KIF5B: variants seen among roughly 807,000 people sequenced by gnomAD.
KIF5B encodes kinesin-1 heavy chain.
KIF5B carries 49 observed loss-of-function variants against 132.8 expected under a neutral mutation model. The ratio of observed to expected loss-of-function variants is 0.37; its 90% CI spans 0.29 to 0.47. KIF5B has a LOEUF of 0.47. KIF5B is among the 20% of genes least tolerant of loss of function. The pLI is 1.00. For synonymous variants in KIF5B, 355 were observed against 369.4 expected (o/e 0.96, Z 0.45); for missense variants, 780 against 1,144.0 (o/e 0.68, Z 4.59).
intron 24 of KIF5B, among the ~76,000 whole-genome samples, chr10:32,016,191 T>A (rs1841158735): frequency 6.6e-6 from 1 of 151,874 alleles, no homozygotes; most frequent in Non-Finnish European, 1.5e-5. Context: ...GGGCAGTGGC[T>A]CATGCCTGTA....
chr10:32,036,931 G>A (rs1395960554), intron 8 of KIF5B, among the ~76,000 whole-genome samples: 1 of 152,054 alleles, frequency 6.6e-6, no homozygotes, highest in Non-Finnish European at 1.5e-5. Context: ...CTGCCAATAT[G>A]GATAAAATAC....
chr10:32,026,295 AGGCGT>A (rs1841332266), intron 15 of KIF5B, among the ~76,000 whole-genome samples: 1 of 151,630 alleles, frequency 6.6e-6, no homozygotes, highest in Admixed American at 6.6e-5. Context: ...AAAATTATCC[AGGCGT>A]GGTGGCACAC....
rs1439407431 is a variant in KIF5B at position 32,056,366 on chromosome 10, C to G, written c.-393G>C. The G allele has an allele frequency of 4.4e-6, 1 of 225,634 alleles. No individual in the cohort carries two copies. Among genetic ancestry groups the G allele is most frequent in the Non-Finnish European group, 8.9e-6 (1 of 112,878 alleles). The allele number at this position is 225,634 out of a possible 1,614,324, so 14.0% of individuals were successfully genotyped here. Reference sequence around the variant, plus strand: ...GGCCGGGCCTACCCGTCCGCCCGCTCTGCCGTCCGCTGGCCGGCCGACTGC... The same window carrying G: ...GGCCGGGCCTACCCGTCCGCCCGCTGTGCCGTCCGCTGGCCGGCCGACTGC... On this transcript the variant is annotated 5_prime_UTR_variant, in exon 1 of 26. Coordinates refer to ENST00000302418, the MANE Select transcript of KIF5B (RefSeq NM_004521.3).
intron 17 of KIF5B, among the ~76,000 whole-genome samples, chr10:32,021,758 G>A (rs1179474982): frequency 6.6e-6 from 1 of 152,082 alleles, no homozygotes; most frequent in Non-Finnish European, 1.5e-5. Flanking sequence ...AGATCACGAG[G>A]TCAGGAGATC....
At chr10:32,053,852 C>G (rs1841722418) in intron 1 of KIF5B, among the ~76,000 whole-genome samples, 1 of 152,084 alleles carries the variant, frequency 6.6e-6, no homozygotes, top group Non-Finnish European at 1.5e-5. Context: ...ATCCATTATT[C>G]CTAATATTAC....
rs1311840826 is a variant in KIF5B, at chr10:32,018,129, C to T, written c.2467G>A (p.Gly823Arg). ...KSAEIDSDDT[G>R]GSAAQKQKIS... ...TTTTGCTTCTGAGCAGCGCTGCCTCCGGTGTCATCAGAATCAATCTCAGCA... is the reference window on the plus strand; with the variant it reads ...TTTTGCTTCTGAGCAGCGCTGCCTCTGGTGTCATCAGAATCAATCTCAGCA... Residue 823 changes from glycine to arginine, a missense_variant, in exon 23 of 26, where the codon GGA becomes AGA. Coordinates refer to ENST00000302418, the MANE Select transcript of KIF5B (RefSeq NM_004521.3). 9.3e-6 allele frequency: 15 copies of T among 1,609,272 alleles called. No individual in the cohort carries two copies. Among genetic ancestry groups the T allele is most frequent in the Non-Finnish European group, 1.2e-5 (14 of 1,177,150 alleles).
chr10:32,025,854 G>C (rs1444148647), intron 15 of KIF5B, among the ~76,000 whole-genome samples: 4 of 152,236 alleles, frequency 2.6e-5, no homozygotes, highest in African/African-American at 4.8e-5. Flanking sequence ...ACTGGTAAGT[G>C]AAAGAAACTA....
At chr10:32,036,606 T>C (rs998787716) in intron 8 of KIF5B, among the ~76,000 whole-genome samples, 1 of 152,136 alleles carries the variant, frequency 6.6e-6, no homozygotes, top group Admixed American at 6.6e-5. Context: ...TAAAGATAGG[T>C]CAGAACAATA....
At chr10:32,045,178 G>T (rs1298793609) in intron 2 of KIF5B, among the ~76,000 whole-genome samples, 2 of 151,966 alleles carry the variant, frequency 1.3e-5, no homozygotes, top group African/African-American at 4.8e-5. Context: ...GTGTAACTAA[G>T]GATATACAAG....
chr10:32,019,927 C>T lies in KIF5B; in HGVS notation c.2237G>A (p.Arg746His), dbSNP rs202074899. ...QNQKMMLEQE[R>H]LRVEHEKLKA... ...CAACTTCTCATGTTCTACTCTTAGA[C>T]GTTCCTGCTCTAACATCATTTTCTG... Residue 746 changes from arginine (R) to histidine (H), a missense_variant, in exon 20 of 26, where the codon CGT becomes CAT. Around this residue, in one of 9 missense-constraint regions of KIF5B, gnomAD observed 471 missense variants for 569.9 expected, o/e 0.83. Transcript: ENST00000302418. The T allele has an allele frequency of 3.8e-5, 62 of 1,611,488 alleles. No individual in the cohort carries two copies. Among genetic ancestry groups the T allele is most frequent in the Non-Finnish European group, 4.0e-5 (47 of 1,179,132 alleles).
chr10:32,050,755 T>C (rs1272124036), intron 1 of KIF5B, among the ~76,000 whole-genome samples: 1 of 152,240 alleles, frequency 6.6e-6, no homozygotes, highest in African/African-American at 2.4e-5. Flanking sequence ...TGTGAACGTA[T>C]CCTTTTCTCA....
Position 32,015,413 on chromosome 10 carries a change from C to A in KIF5B, c.*20+96G>T, listed in dbSNP as rs541699828. 257 of 897,966 alleles carry A rather than the reference C, an allele frequency of 2.9e-4. 1 individual carries two copies. Among genetic ancestry groups the A allele is most frequent in the Non-Finnish European group, 3.8e-4 (228 of 600,018 alleles). The allele number at this position is 897,966 out of a possible 1,614,324, so 55.6% of individuals were successfully genotyped here. ...TTTATAATGCTTAAGTTAAAAAAATCATAACACTAATGTGAGAATTTTTTA... is the reference window on the plus strand; with the variant it reads ...TTTATAATGCTTAAGTTAAAAAAATAATAACACTAATGTGAGAATTTTTTA... On this transcript the variant is annotated intron_variant, in intron 25 of 25. Coordinates refer to ENST00000302418, the MANE Select transcript of KIF5B (RefSeq NM_004521.3).
At chr10:32,043,532 C>T (rs567696798) in intron 2 of KIF5B, among the ~76,000 whole-genome samples, 2 of 152,162 alleles carry the variant, frequency 1.3e-5, no homozygotes, top group South Asian at 2.1e-4. Context: ...GTGAATACAG[C>T]GGCAGAGAGT....
chr10:32,032,863 G>T, intron 12 of KIF5B, 89 bp from the exon 13 acceptor site: 1 of 916,460 alleles, frequency 1.1e-6, no homozygotes, highest in Non-Finnish European at 1.8e-6. Context: ...CTACTCCCCA[G>T]AAATATTTCA....
intron 2 of KIF5B, among the ~76,000 whole-genome samples, chr10:32,044,909 T>C (rs1240479197): frequency 2.0e-5 from 3 of 152,150 alleles, no homozygotes; most frequent in South Asian, 2.1e-4. Context: ...AAGGGAACTA[T>C]TATCCTGAAC....
chr10:32,011,307 C>G lies in KIF5B; in HGVS notation c.*230G>C, dbSNP rs1352340062. ...CACAGTTGTAAACTGTCCTTTTTCC[C>G]TCCTAAGATGCCAAAATTGCACTCT... On this transcript the variant is annotated 3_prime_UTR_variant, in exon 26 of 26. Transcript: ENST00000302418. The G allele has an allele frequency of 6.6e-6, 1 of 152,532 alleles. No individual in the cohort carries two copies. Among genetic ancestry groups the G allele is most frequent in the Non-Finnish European group, 1.5e-5 (1 of 67,986 alleles). The allele number at this position is 152,532 out of a possible 1,614,324, so 9.4% of individuals were successfully genotyped here. A position where few individuals can be genotyped will look rare whatever the true frequency, so the allele number is the denominator to read the frequency against.
At chr10:32,046,238 G>A (rs211286) in intron 2 of KIF5B, among the ~76,000 whole-genome samples, 32,283 of 152,030 alleles carry the variant, frequency 0.21, 3,618 homozygotes, top group Non-Finnish European at 0.25. Context: ...ACTTTCTATT[G>A]GTTAGAAAGC....
Position 32,024,044 on chromosome 10 carries a change from T to G in KIF5B, c.1726-1008A>C, listed in dbSNP as rs1419830866. ...AAATTTTTAGTCTCAAAAAATGACG[T>G]TGAGAGTAAAAAAAAAAAACAAAAA... On this transcript the variant is annotated intron_variant, in intron 15 of 25. Transcript: ENST00000302418. Among the ~76,000 whole-genome samples the G allele has an allele frequency of 8.8e-5, 7 of 79,910 alleles. No individual in the cohort carries two copies. In the East Asian group the frequency reaches 1.4e-3, roughly 16 times the overall value. The allele number at this position is 79,910 out of a possible 152,430, so 52.4% of individuals were successfully genotyped here. A position where few individuals can be genotyped will look rare whatever the true frequency, so the allele number is the denominator to read the frequency against.
chr10:32,048,619 T>C, intron 1 of KIF5B, 68 bp from the exon 2 acceptor site: 1 of 1,065,108 alleles, frequency 9.4e-7, no homozygotes, highest in Non-Finnish European at 1.4e-6. Context: ...CCTTTACAGA[T>C]GCCATCATAT....
Sources: gnomAD v4.1 joint callset for allele counts (sites outside exome capture counted in the v4.1 genomes callset) on GRCh38, gnomAD v4.1.1 for gene constraint, gnomAD v4.1.1 regional missense constraint, MANE v1.5 for transcripts, NCBI Gene and HGNC (gene_info 2026-07-23, HGNC 2026-07-21) for gene names.